The following BMP6 variants were observed in gnomAD, a reference collection of about 807,000 sequenced individuals.
BMP6 encodes the protein VG-1-R.
In BMP6, 17 loss-of-function variants were observed where a neutral mutation model predicts 54.1. The ratio of observed to expected loss-of-function variants is 0.31; its 90% CI spans 0.22 to 0.47. The LOEUF (loss-of-function observed/expected upper bound fraction) is 0.47. BMP6 is among the 20% of genes least tolerant of loss of function. The pLI is 1.00. For missense variants in BMP6, 720 were observed against 690.4 expected, an observed-to-expected ratio of 1.04 and a Z score of -0.48; for synonymous variants, 328 against 291.2, an observed-to-expected ratio of 1.13 and a Z score of -1.28.
intron 4 of BMP6, among the ~76,000 whole-genome samples, chr6:7,872,387 C>T (rs980537484): frequency 3.3e-5 from 5 of 151,882 alleles, no homozygotes; most frequent in African/African-American, 1.2e-4. Context: ...GGAGCATCAA[C>T]CTTCATAAAT....
At chr6:7,807,574 C>G (rs1464697555) in intron 1 of BMP6, among the ~76,000 whole-genome samples, 1 of 152,148 alleles carries the variant, frequency 6.6e-6, no homozygotes, top group Non-Finnish European at 1.5e-5. Flanking sequence ...CCCACGCGCC[C>G]GGCCGGGACC....
intron 4 of BMP6, among the ~76,000 whole-genome samples, chr6:7,873,146 A>C (rs1759555767): frequency 6.6e-6 from 1 of 152,144 alleles, no homozygotes; most frequent in African/African-American, 2.4e-5. Flanking sequence ...GCACAGGCCC[A>C]AGTGAAAGGG....
chr6:7,808,645 G>A (rs758125770), intron 1 of BMP6, among the ~76,000 whole-genome samples: 12 of 152,120 alleles, frequency 7.9e-5, no homozygotes, highest in Non-Finnish European at 1.3e-4. Flanking sequence ...TGGGCACAGT[G>A]GCTCATGCCT....
Position 7,728,129 on chromosome 6 carries a change from C to G in BMP6, c.664+510C>G, listed in dbSNP as rs190407643. ...CGACAGCGGCTGGGAACTTTGAAAA[C>G]TTGGCATGAGTATGTTTAGAGGTAT... On this transcript the variant is annotated intron_variant, in intron 1 of 6. Transcript: ENST00000283147. 1.2e-3 allele frequency among the ~76,000 whole-genome samples: 180 copies of G among 151,878 alleles called. 1 individual carries two copies. The highest frequency in any genetic ancestry group is 4.1e-3 in the African/African-American group (169 of 41,406).
intron 2 of BMP6, among the ~76,000 whole-genome samples, chr6:7,856,610 T>TTTTTTTTTTTTTGTTTTTG (rs1477184469): frequency 2.3e-4 from 28 of 122,198 alleles, no homozygotes; most frequent in South Asian, 5.2e-4. Context: ...TTTTTTTTTT[T>TTTTTTTTTTTTTGTTTTTG]TTTTGAGACG....
chr6:7,771,387 T>C (rs1232467266), intron 1 of BMP6, among the ~76,000 whole-genome samples: 1 of 152,174 alleles, frequency 6.6e-6, no homozygotes, highest in Non-Finnish European at 1.5e-5. Flanking sequence ...CTAGAGTTGT[T>C]CTGCACTGAG....
chr6:7,854,677 T>G (rs954573610), intron 2 of BMP6, among the ~76,000 whole-genome samples: 1 of 152,174 alleles, frequency 6.6e-6, no homozygotes, highest in Non-Finnish European at 1.5e-5. Flanking sequence ...GCACCTGTAA[T>G]CTCAGCTACT....
chr6:7,861,096 A>T (rs1181780922), intron 2 of BMP6, among the ~76,000 whole-genome samples: 1 of 152,162 alleles, frequency 6.6e-6, no homozygotes, highest in Non-Finnish European at 1.5e-5. Flanking sequence ...AAAAAAAAAA[A>T]ATAAAAAAGT....
In BMP6 at chr6:7,879,064, C is replaced by T; in HGVS notation, c.1205-10C>T. 6.2e-7 allele frequency: 1 copy of T among 1,612,834 alleles called. No individual in the cohort carries two copies. The highest frequency in any genetic ancestry group is 1.1e-5 in the South Asian group (1 of 91,062). Reference sequence around the variant, plus strand: ...TTTTGATGGGTGCATCTTTTGATCTCCTCCAACAGATTACAACAGCAGTGA... The same window carrying T: ...TTTTGATGGGTGCATCTTTTGATCTTCTCCAACAGATTACAACAGCAGTGA... On this transcript the variant is annotated splice_polypyrimidine_tract_variant and intron_variant, in intron 4 of 6. Transcript: ENST00000283147.
At chr6:7,849,824 GT>G (rs1271791427) in intron 2 of BMP6, among the ~76,000 whole-genome samples, 1 of 152,166 alleles carries the variant, frequency 6.6e-6, no homozygotes, top group Admixed American at 6.5e-5. Context: ...TGCTCTCTGT[GT>G]TTTGGCATTT....
chr6:7,845,058 C>T, intron 1 of BMP6, 82 bp from the exon 2 acceptor site: 1 of 1,304,810 alleles, frequency 7.7e-7, no homozygotes, highest in Non-Finnish European at 1.1e-6. Flanking sequence ...CCTATGAAGT[C>T]AAACGGGGAA....
chr6:7,844,614 C>T (rs962703633), intron 1 of BMP6, among the ~76,000 whole-genome samples: 3 of 152,154 alleles, frequency 2.0e-5, no homozygotes, highest in Non-Finnish European at 4.4e-5. Context: ...CCCCCCTTCC[C>T]CACCCGCAGC....
intron 1 of BMP6, among the ~76,000 whole-genome samples, chr6:7,784,493 A>G (rs547589034): frequency 3.9e-5 from 6 of 152,314 alleles, no homozygotes; most frequent in Admixed American, 2.0e-4. Flanking sequence ...AAGTGTTCAC[A>G]GTGTTATCAC....
At chr6:7,817,814 T>G (rs979254593) in intron 1 of BMP6, among the ~76,000 whole-genome samples, 3 of 152,190 alleles carry the variant, frequency 2.0e-5, no homozygotes, top group African/African-American at 7.2e-5. Flanking sequence ...GATATTAGAT[T>G]ATCTAGAACA....
Position 7,726,325 on chromosome 6 carries a change from G to C in BMP6, c.-631G>C, listed in dbSNP as rs574288396. On this transcript the variant is annotated 5_prime_UTR_variant, in exon 1 of 7. Transcript: ENST00000283147. ...CGCGGAGATTTTGAGTGGGAGCGAC[G>C]GTGCCCGAGAGCTCAGGGGCGCGGA... Among the ~76,000 whole-genome samples the C allele has an allele frequency of 3.5e-4, 53 of 152,332 alleles. No homozygotes were observed. Among genetic ancestry groups the C allele is most frequent in the African/African-American group, 1.3e-3 (52 of 41,584 alleles).
intron 1 of BMP6, among the ~76,000 whole-genome samples, chr6:7,806,491 G>A (rs1025383381): frequency 2.6e-5 from 4 of 152,118 alleles, no homozygotes; most frequent in African/African-American, 9.7e-5. Context: ...TGACTTACAT[G>A]TGTATGGCTT....
intron 1 of BMP6, among the ~76,000 whole-genome samples, chr6:7,810,789 T>A (rs571187146): frequency 6.6e-6 from 1 of 152,330 alleles, no homozygotes; most frequent in African/African-American, 2.4e-5. Context: ...AAGTATATGG[T>A]ACATTTGGCT....
rs142892274 is a variant in BMP6 at position 7,876,615 on chromosome 6, T to A, written c.1205-2459T>A. ...TAATTCTGTCTTCAGTTATGTGTAA[T>A]TTGATGATTATCTGTTTAATGTATA... On this transcript the variant is annotated intron_variant, in intron 4 of 6. Transcript: ENST00000283147. 1.7e-3 allele frequency among the ~76,000 whole-genome samples: 264 copies of A among 152,360 alleles called. 1 individual carries two copies. The highest frequency in any genetic ancestry group is 3.3e-3 in the Non-Finnish European group (223 of 68,028).
At position 7,765,888 on chromosome 6, in the gene BMP6, T is replaced by G. The variant is rs1045050207; in HGVS notation, c.664+38269T>G. Among the ~76,000 whole-genome samples the G allele has an allele frequency of 1.5e-4, 23 of 152,208 alleles. 1 individual carries two copies. Among genetic ancestry groups the G allele is most frequent in the Admixed American group, 1.4e-3 (22 of 15,278 alleles). On this transcript the variant is annotated intron_variant, in intron 1 of 6. Coordinates refer to ENST00000283147, the MANE Select transcript of BMP6 (RefSeq NM_001718.6). ...TGGCTTGTGATACCCTCCTTCAAGT[T>G]CAGATTTCTCTCCGTTACTCCCACT... is the stretch of plus-strand genomic sequence containing the variant.
Sources: allele counts gnomAD v4.1 joint callset (sites outside exome capture counted in the v4.1 genomes callset), GRCh38; gene constraint gnomAD v4.1.1; transcripts MANE v1.5; gene names NCBI Gene and HGNC (gene_info 2026-07-23, HGNC 2026-07-21).